LIMK2: variants seen among roughly 807,000 people sequenced by gnomAD.
LIMK2 encodes LIM domain kinase 2.
Under a neutral mutation model 75.7 loss-of-function variants are expected in LIMK2, and 35 were observed. That is an observed-to-expected ratio of 0.46 (90% CI 0.35 to 0.61). The LOEUF is 0.61. LIMK2 is among the 20% of genes least tolerant of loss of function. The pLI is 0.00. For synonymous variants in LIMK2, 301 were observed against 319.2 expected (o/e 0.94, Z 0.61); for missense variants, 623 against 831.0 (o/e 0.75, Z 3.08).
chr22:31,247,809 A>G (rs1390925348), intron 2 of LIMK2, among the ~76,000 whole-genome samples: 1 of 152,178 alleles, frequency 6.6e-6, no homozygotes, highest in Non-Finnish European at 1.5e-5. Flanking sequence ...GTGTAGGTTA[A>G]TACTCTGGGC....
At chr22:31,239,433 G>GTT (rs2048606016) in intron 2 of LIMK2, among the ~76,000 whole-genome samples, 1 of 152,184 alleles carries the variant, frequency 6.6e-6, no homozygotes, top group South Asian at 2.1e-4. Context: ...CCTGCTCAGC[G>GTT]TTATATGAGC....
intron 2 of LIMK2, among the ~76,000 whole-genome samples, chr22:31,226,178 C>CTTTATTTTATTTTATT (rs375495532): frequency 2.7e-5 from 4 of 145,924 alleles, no homozygotes; most frequent in African/African-American, 1.0e-4. Flanking sequence ...TGTTTGTATT[C>CTTTATTTTATTTTATT]TTATTTTATT....
intron 2 of LIMK2, chr22:31,248,792 C>T: frequency 1.2e-6 from 2 of 1,612,848 alleles, no homozygotes; most frequent in Admixed American, 1.7e-5. Context: ...CCGAGTTCCC[C>T]TCTCCATCTC....
chr22:31,224,814 A>G (rs1209180048), intron 1 of LIMK2, among the ~76,000 whole-genome samples: 4 of 152,234 alleles, frequency 2.6e-5, no homozygotes, highest in Non-Finnish European at 5.9e-5. Context: ...TATGTAATCT[A>G]ACAGCCTCCA....
At chr22:31,217,072 G>C (rs944560194) in intron 1 of LIMK2, among the ~76,000 whole-genome samples, 1 of 152,106 alleles carries the variant, frequency 6.6e-6, no homozygotes, top group Admixed American at 6.6e-5. Flanking sequence ...CCTGTAATTT[G>C]TTTTGTCCAG....
Position 31,214,340 on chromosome 22 carries a change from G to A in LIMK2, c.16+1916G>A, listed in dbSNP as rs558485268. On this transcript the variant is annotated intron_variant, in intron 1 of 15. Coordinates refer to ENST00000331728, the MANE Select transcript of LIMK2 (RefSeq NM_005569.4). ...GAGTACAGTGGTGACATAGTTCTTGGCTTTGTGGTGCTTAATAATCCTAGA... is the reference window on the plus strand; with the variant it reads ...GAGTACAGTGGTGACATAGTTCTTGACTTTGTGGTGCTTAATAATCCTAGA... Among the ~76,000 whole-genome samples, 73 of 152,258 alleles carry A rather than the reference G, an allele frequency of 4.8e-4. 3 individuals are homozygous for A. In the South Asian group the frequency reaches 0.015, roughly 31 times the overall value.
At position 31,258,356 on chromosome 22, in the gene LIMK2, C is replaced by G. The variant is rs748859205; in HGVS notation, c.182C>G (p.Pro61Arg). The part of the protein sequence containing the change: ...YYEKDGKLYC[P>R]KDYWGKFGEF... ...GAGAAGGATGGGAAGCTCTACTGCC[C>G]CAAGGACTACTGGGGGAAGTTTGGG... The change falls in exon 3 of 16, where the codon CCC becomes CGC. Residue 61 changes from proline (P) to arginine (R), a missense_variant. By Grantham distance (103) the Pro-to-Arg change is moderately radical. Transcript: ENST00000331728. 1.1e-4 allele frequency: 172 copies of G among 1,613,834 alleles called. No individual in the cohort carries two copies. The highest frequency in any genetic ancestry group is 1.4e-4 in the Non-Finnish European group (167 of 1,179,886).
At chr22:31,244,837 G>A (rs1199523903) in intron 2 of LIMK2, among the ~76,000 whole-genome samples, 3 of 152,228 alleles carry the variant, frequency 2.0e-5, no homozygotes, top group African/African-American at 4.8e-5. Flanking sequence ...AACCCAGACA[G>A]TCTGGCTCTG....
At chr22:31,261,477 C>T (rs1374641937) in intron 5 of LIMK2, among the ~76,000 whole-genome samples, 2 of 150,626 alleles carry the variant, frequency 1.3e-5, no homozygotes, top group East Asian at 2.1e-4. Context: ...ACCTAGGAGG[C>T]GGAGCTTGCT....
intron 1 of LIMK2, among the ~76,000 whole-genome samples, chr22:31,218,652 A>G (rs113114599): frequency 6.6e-6 from 1 of 152,062 alleles, no homozygotes; most frequent in African/African-American, 2.4e-5. Flanking sequence ...AGTCTTTTTG[A>G]TAGTCACTTC....
In LIMK2 at chr22:31,262,172, C is replaced by T. The variant is rs200565424; in HGVS notation, c.590C>T (p.Ala197Val). The change falls in exon 6 of 16, where the codon GCC becomes GTC. Residue 197 changes from alanine (A) to valine (V), a missense_variant. This residue lies in a region of LIMK2 where 514 missense variants were observed against 661.3 expected (regional missense o/e 0.78). Coordinates refer to ENST00000331728, the MANE Select transcript of LIMK2 (RefSeq NM_005569.4). This position sits in a 1 kb window ranked among gnomAD's most constrained non-coding sequence, Gnocchi z 5.0. ...RMHISPNNRN[A>V]IHPGDRILEI... ...CACATCAGTCCCAACAATCGAAACGCCATCCACCCTGGGGACCGCATCCTG... is the reference window on the plus strand; with the variant it reads ...CACATCAGTCCCAACAATCGAAACGTCATCCACCCTGGGGACCGCATCCTG... 6 of 1,614,214 alleles carry T rather than the reference C, an allele frequency of 3.7e-6. No homozygotes were observed. The highest frequency in any genetic ancestry group is 5.1e-6 in the Non-Finnish European group (6 of 1,180,022).
intron 15 of LIMK2, among the ~76,000 whole-genome samples, chr22:31,276,564 C>A (rs1601449674): frequency 6.9e-6 from 1 of 145,672 alleles, no homozygotes; most frequent in African/African-American, 2.5e-5. Context: ...CTGCAGCTGC[C>A]CCCGGGCGCC....
At chr22:31,277,644 T>C (rs2049045523) in intron 15 of LIMK2, 1 of 707,834 alleles carries the variant, frequency 1.4e-6, no homozygotes, top group Non-Finnish European at 1.7e-6. Context: ...CAGTATTGAA[T>C]GCCTACTGTG....
At chr22:31,233,408 C>T (rs550851050) in intron 2 of LIMK2, among the ~76,000 whole-genome samples, 2 of 152,234 alleles carry the variant, frequency 1.3e-5, no homozygotes, top group East Asian at 1.9e-4. Flanking sequence ...TCCACACTCT[C>T]CTGGTTTTCT....
At chr22:31,227,972 G>C (rs958659733) in intron 2 of LIMK2, among the ~76,000 whole-genome samples, 2 of 152,052 alleles carry the variant, frequency 1.3e-5, no homozygotes, top group African/African-American at 4.8e-5. Flanking sequence ...CTGAACTCTT[G>C]GGTCATTTGT....
chr22:31,258,460 T>A, intron 3 of LIMK2, 34 bp downstream of exon 3: 2 of 1,612,036 alleles, frequency 1.2e-6, no homozygotes, highest in Non-Finnish European at 1.7e-6. Context: ...CCCCTCTTGG[T>A]CTTCAGAGTC....
At chr22:31,235,761 G>T (rs1007651729) in intron 2 of LIMK2, among the ~76,000 whole-genome samples, 7 of 152,156 alleles carry the variant, frequency 4.6e-5, no homozygotes, top group Non-Finnish European at 1.5e-5. Flanking sequence ...TTTACTTATA[G>T]GTGATTTATG....
intron 2 of LIMK2, among the ~76,000 whole-genome samples, chr22:31,247,495 GT>G (rs2048681948): frequency 6.6e-6 from 1 of 152,170 alleles, no homozygotes; most frequent in African/African-American, 2.4e-5. Context: ...TGTTCTGCAT[GT>G]GAACACTCAG....
chr22:31,257,040 A>AGTTTT (rs2048789764), intron 2 of LIMK2, among the ~76,000 whole-genome samples: 2 of 75,054 alleles, frequency 2.7e-5, no homozygotes, highest in Non-Finnish European at 5.9e-5. Flanking sequence ...GGAGCTATAG[A>AGTTTT]TTTTTTTTTT....
Sources: allele counts gnomAD v4.1 joint callset (sites outside exome capture counted in the v4.1 genomes callset), GRCh38; gene constraint gnomAD v4.1.1; regional missense constraint gnomAD v4.1.1; non-coding constraint Gnocchi (gnomAD v3.1); transcripts MANE v1.5; gene names NCBI Gene and HGNC (gene_info 2026-07-23, HGNC 2026-07-21).